The following SLC25A21 variants were observed in gnomAD, a reference collection of about 807,000 sequenced individuals.
SLC25A21 encodes the protein solute carrier family 25 member 21.
In SLC25A21, 47 loss-of-function variants were observed where a neutral mutation model predicts 43.8. The observed-to-expected ratio is 1.07, with a 90% confidence interval of 0.85 to 1.37. The LOEUF is 1.37. Among genes scored for constraint, SLC25A21 ranks in the 40% most tolerant of loss-of-function variants. The probability of loss-of-function intolerance (pLI) is 0.00; values close to 1 mark genes in which losing one functional copy is unlikely to be tolerated. For missense variants in SLC25A21, 352 were observed against 350.2 expected (o/e 1.00, Z -0.04); for synonymous variants, 131 against 121.3 (o/e 1.08, Z -0.52).
chr14:37,024,095 A>G (rs141496133), intron 1 of SLC25A21, among the ~76,000 whole-genome samples: 1,617 of 152,236 alleles, frequency 0.011, 11 homozygotes, highest in African/African-American at 0.026. Flanking sequence ...TCACTGAGGG[A>G]AAAAAATGCG....
At chr14:37,102,877 C>T (rs755244145) in intron 1 of SLC25A21, among the ~76,000 whole-genome samples, 3 of 151,642 alleles carry the variant, frequency 2.0e-5, no homozygotes, top group African/African-American at 7.3e-5. Flanking sequence ...CCCAGCTACT[C>T]GGGAGGCTGA....
intron 3 of SLC25A21, among the ~76,000 whole-genome samples, chr14:36,763,282 T>C (rs1380318097): frequency 2.0e-5 from 3 of 152,252 alleles, no homozygotes; most frequent in Non-Finnish European, 4.4e-5. Context: ...TTCATTTGTC[T>C]ATTTGCTCAC....
chr14:36,734,747 T>C (rs1884965786), intron 3 of SLC25A21, among the ~76,000 whole-genome samples, 174 bp from the exon 4 acceptor site: 1 of 152,220 alleles, frequency 6.6e-6, no homozygotes, highest in Non-Finnish European at 1.5e-5. Flanking sequence ...AGCATTATGA[T>C]ATTCAGAAGG....
chr14:37,117,311 A>C (rs985569849), intron 1 of SLC25A21, among the ~76,000 whole-genome samples: 8 of 152,178 alleles, frequency 5.3e-5, no homozygotes, highest in Non-Finnish European at 1.2e-4. Flanking sequence ...TGCCCTAAAA[A>C]AGAAATGGTG....
intron 2 of SLC25A21, among the ~76,000 whole-genome samples, chr14:36,828,156 G>C (rs1196791804): frequency 6.6e-6 from 1 of 151,270 alleles, no homozygotes; most frequent in African/African-American, 2.4e-5. Context: ...CTGAGGCATG[G>C]AAATCCATGA....
intron 3 of SLC25A21, among the ~76,000 whole-genome samples, chr14:36,783,331 G>C (rs979878736): frequency 6.6e-6 from 1 of 152,226 alleles, no homozygotes; most frequent in South Asian, 2.1e-4. Context: ...CAGGTGAGGT[G>C]TACCAAGTGA....
chr14:36,788,830 G>C (rs1159405521), intron 3 of SLC25A21: 2 of 151,978 alleles, frequency 1.3e-5, no homozygotes, highest in Admixed American at 1.3e-4. Flanking sequence ...CTCATGAAAA[G>C]TAAGTCACCG....
intron 1 of SLC25A21, among the ~76,000 whole-genome samples, chr14:36,944,950 G>T (rs987128871): frequency 6.6e-6 from 1 of 152,036 alleles, no homozygotes; most frequent in East Asian, 1.9e-4. Context: ...TCATAACACT[G>T]CTGGTACAGT....
chr14:37,017,276 G>C (rs889402044), intron 1 of SLC25A21, among the ~76,000 whole-genome samples: 5 of 151,962 alleles, frequency 3.3e-5, no homozygotes, highest in Non-Finnish European at 7.4e-5. Context: ...GTCACTGTAG[G>C]CTTACTAAAT....
intron 1 of SLC25A21, among the ~76,000 whole-genome samples, chr14:37,083,290 A>G (rs1020712715): frequency 1.3e-4 from 20 of 152,200 alleles, no homozygotes; most frequent in Admixed American, 1.2e-3. Flanking sequence ...CCAGGTATTG[A>G]TACACTATTC....
In SLC25A21 at chr14:36,734,539, T is replaced by C. The variant is rs745903683; in HGVS notation, c.238A>G (p.Ile80Val). ...GCTCTTTTTGGGGTTTCAGCCAAGA[T>C]AGGTGGCAGAATTCCCTTGTAAAAA... Reference protein sequence around the residue: ...FGFYKGILPPILAETPKRAVK... With the variant: ...FGFYKGILPPVLAETPKRAVK... Residue 80 changes from isoleucine (I) to valine (V), a missense_variant, in exon 4 of 10, where the codon ATC (isoleucine) becomes GTC (valine). Transcript: ENST00000331299. The C allele has an allele frequency of 5.6e-6, 9 of 1,608,192 alleles. No individual in the cohort carries two copies. The African/African-American group carries it at 8.0e-5, about 14-fold the overall frequency.
chr14:36,819,904 T>G (rs1306606223), intron 2 of SLC25A21, among the ~76,000 whole-genome samples: 1 of 152,200 alleles, frequency 6.6e-6, no homozygotes, highest in African/African-American at 2.4e-5. Flanking sequence ...TAATATAACT[T>G]ATATATTCCT....
intron 3 of SLC25A21, among the ~76,000 whole-genome samples, chr14:36,750,155 G>C (rs1342239513): frequency 6.6e-6 from 1 of 152,158 alleles, no homozygotes; most frequent in East Asian, 1.9e-4. Context: ...AATCGTATCT[G>C]GCATTTTGAA....
chr14:36,919,446 T>G (rs1049479643), intron 1 of SLC25A21, among the ~76,000 whole-genome samples: 1 of 152,058 alleles, frequency 6.6e-6, no homozygotes, highest in African/African-American at 2.4e-5. Context: ...AATTGACATT[T>G]GGATAAAATA....
intron 1 of SLC25A21, among the ~76,000 whole-genome samples, chr14:36,892,998 G>A (rs985455311): frequency 6.6e-5 from 10 of 152,108 alleles, no homozygotes; most frequent in African/African-American, 2.2e-4. Context: ...GAATAGTGCT[G>A]CAATAAACAT....
At chr14:36,877,880 C>T (rs1272406887) in intron 1 of SLC25A21, among the ~76,000 whole-genome samples, 4 of 152,052 alleles carry the variant, frequency 2.6e-5, no homozygotes, top group Admixed American at 6.6e-5. Flanking sequence ...CCATAGGCCA[C>T]GAGGAGCCAG....
intron 1 of SLC25A21, among the ~76,000 whole-genome samples, chr14:37,129,156 A>C (rs1963350182): frequency 6.6e-6 from 1 of 152,144 alleles, no homozygotes. Flanking sequence ...GAGATACGAG[A>C]ACTATCACTT....
intron 1 of SLC25A21, among the ~76,000 whole-genome samples, chr14:36,910,282 T>C (rs996248099): frequency 6.6e-6 from 1 of 152,190 alleles, no homozygotes; most frequent in African/African-American, 2.4e-5. Context: ...GAATGACCTC[T>C]ATTACTTAGC....
At chr14:37,016,383 T>C (rs1029543318) in intron 1 of SLC25A21, among the ~76,000 whole-genome samples, 1 of 152,138 alleles carries the variant, frequency 6.6e-6, no homozygotes, top group Non-Finnish European at 1.5e-5. Context: ...GAGGGCTCTG[T>C]TCTGTTCTGT....
Sources: allele counts gnomAD v4.1 joint callset (sites outside exome capture counted in the v4.1 genomes callset), GRCh38; gene constraint gnomAD v4.1.1; transcripts MANE v1.5; gene names NCBI Gene and HGNC (gene_info 2026-07-23, HGNC 2026-07-21).